The following TRIO variants were observed in gnomAD, a reference collection of about 807,000 sequenced individuals.
The protein encoded by TRIO is trio Rho guanine nucleotide exchange factor.
TRIO carries 58 observed loss-of-function variants against 351.9 expected under a neutral mutation model. The ratio of observed to expected loss-of-function variants is 0.16; its 90% CI spans 0.13 to 0.21. The LOEUF is 0.21. TRIO is among the 10% of genes least tolerant of loss of function. The pLI, the probability that TRIO is intolerant of heterozygous loss-of-function variation, is 1.00. For synonymous variants in TRIO, 1,758 were observed against 1,595.7 expected (o/e 1.10, Z -2.42); for missense variants, 3,201 against 4,027.8 (o/e 0.79, Z 5.56).
At chr5:14,426,047 A>G (rs375995457) in intron 34 of TRIO, among the ~76,000 whole-genome samples, 2 of 152,110 alleles carry the variant, frequency 1.3e-5, no homozygotes, top group East Asian at 1.9e-4. Context: ...TTTCATTTCT[A>G]CCGTTACTCT....
intron 1 of TRIO, among the ~76,000 whole-genome samples, chr5:14,176,248 G>A (rs1180420705): frequency 1.3e-5 from 2 of 152,112 alleles, no homozygotes; most frequent in African/African-American, 4.8e-5. Context: ...GAGGCGGGCG[G>A]ATCACGAGGT....
At position 14,497,044 on chromosome 5, in the gene TRIO, G is replaced by C; in HGVS notation, c.8019+27G>C. On this transcript the variant is annotated intron_variant, in intron 50 of 56. Coordinates refer to ENST00000344204, the MANE Select transcript of TRIO (RefSeq NM_007118.4). The surrounding 1 kb of genome is among the most constrained non-coding windows in gnomAD (Gnocchi z 4.4). ...TGTGTTCGGGGGTCTTCAGGAGTCC[G>C]TGTCATCCCAGCATGAGAGAAAGGA... 2 of 1,611,728 alleles carry C rather than the reference G, an allele frequency of 1.2e-6. No homozygotes were observed. The highest frequency in any genetic ancestry group is 1.7e-6 in the Non-Finnish European group (2 of 1,178,666).
intron 45 of TRIO, 125 bp downstream of exon 45, chr5:14,481,743 T>A: frequency 1.3e-6 from 1 of 777,082 alleles, no homozygotes; most frequent in Non-Finnish European, 2.0e-6. Context: ...TCTCTCACTT[T>A]ACCTCAATCT....
chr5:14,207,307 A>G (rs1791532472), intron 1 of TRIO, among the ~76,000 whole-genome samples: 1 of 16,824 alleles, frequency 5.9e-5, no homozygotes, highest in African/African-American at 2.3e-4. Context: ...GTAGCATAGC[A>G]AGACTGTCTC....
intron 1 of TRIO, among the ~76,000 whole-genome samples, chr5:14,148,912 G>C (rs1016373146): frequency 6.6e-6 from 1 of 152,328 alleles, no homozygotes; most frequent in East Asian, 1.9e-4. Flanking sequence ...AAGCGGGTTC[G>C]ATGTGCATCC....
intron 1 of TRIO, among the ~76,000 whole-genome samples, chr5:14,252,097 A>G (rs2152248583): frequency 6.6e-6 from 1 of 151,512 alleles, no homozygotes; most frequent in African/African-American, 2.5e-5. Context: ...TTACTTTCTT[A>G]CTGTAAACTC....
chr5:14,494,711 A>C (rs1197071266), intron 49 of TRIO, among the ~76,000 whole-genome samples: 3 of 152,040 alleles, frequency 2.0e-5, no homozygotes, highest in Non-Finnish European at 2.9e-5. Flanking sequence ...CCAGCCTGAC[A>C]AGTATGGTGA....
intron 33 of TRIO, 124 bp from the exon 34 acceptor site, chr5:14,419,654 T>TC: frequency 1.5e-6 from 2 of 1,343,872 alleles, no homozygotes; most frequent in Non-Finnish European, 2.0e-6. Flanking sequence ...TCACACAACC[T>TC]CGGAGCACTC....
intron 1 of TRIO, among the ~76,000 whole-genome samples, chr5:14,265,419 T>A (rs537901131): frequency 6.6e-6 from 1 of 152,278 alleles, no homozygotes; most frequent in African/African-American, 2.4e-5. Flanking sequence ...ATTAAAAAAA[T>A]AATAAAACCT....
At chr5:14,464,740 G>A (rs991238601) in intron 36 of TRIO, among the ~76,000 whole-genome samples, 2 of 152,320 alleles carry the variant, frequency 1.3e-5, no homozygotes, top group South Asian at 4.1e-4. Context: ...GCTGTGGGTC[G>A]CATGCCTCGC....
At chr5:14,268,444 G>A (rs1795810531) in intron 1 of TRIO, among the ~76,000 whole-genome samples, 1 of 152,232 alleles carries the variant, frequency 6.6e-6, no homozygotes, top group Non-Finnish European at 1.5e-5. Flanking sequence ...CTTGGTGATG[G>A]CTGTGTGACT....
chr5:14,239,755 T>C (rs1794015414), intron 1 of TRIO, among the ~76,000 whole-genome samples: 1 of 152,202 alleles, frequency 6.6e-6, no homozygotes, highest in Non-Finnish European at 1.5e-5. Flanking sequence ...TGAATGACTA[T>C]GAGATTTAGA....
intron 31 of TRIO, among the ~76,000 whole-genome samples, chr5:14,402,726 G>A (rs1041581141): frequency 6.6e-6 from 1 of 151,922 alleles, no homozygotes; most frequent in Non-Finnish European, 1.5e-5. Flanking sequence ...TGGCAGTGGT[G>A]TAGATGGTGG....
Position 14,462,508 on chromosome 5 carries a change from C to G in TRIO, c.5497-247C>G, listed in dbSNP as rs26105. On this transcript the variant is annotated intron_variant, in intron 35 of 56. Coordinates refer to ENST00000344204, the MANE Select transcript of TRIO (RefSeq NM_007118.4). ...AAGATGAGCTGTGTTCAGAGCCTAA[C>G]AGATCACATTGGCAGTCCCTTTATA... 0.085 allele frequency among the ~76,000 whole-genome samples: 12,900 copies of G among 152,248 alleles called. 725 individuals carry two copies. The highest frequency in any genetic ancestry group is 0.17 in the Admixed American group (2,616 of 15,292).
At chr5:14,225,796 C>CT (rs902230961) in intron 1 of TRIO, among the ~76,000 whole-genome samples, 2 of 131,266 alleles carry the variant, frequency 1.5e-5, no homozygotes, top group South Asian at 2.6e-4. Context: ...GCTCCCACCC[C>CT]CCCCCCCACC....
At chr5:14,255,064 A>T (rs1028711082) in intron 1 of TRIO, among the ~76,000 whole-genome samples, 1 of 152,242 alleles carries the variant, frequency 6.6e-6, no homozygotes, top group African/African-American at 2.4e-5. Context: ...TTGATTTCAG[A>T]TTAATCTCTT....
chr5:14,361,983 G>A lies in TRIO; in HGVS notation c.2392-1749G>A, dbSNP rs181041470. On this transcript the variant is annotated intron_variant, in intron 13 of 56. Coordinates refer to ENST00000344204, the MANE Select transcript of TRIO (RefSeq NM_007118.4). ...AAATACAAAAATTAGGCGTGGTGGC[G>A]TGCACCTGTACTCCCAGCTACTTGG... 1.2e-4 allele frequency among the ~76,000 whole-genome samples: 18 copies of A among 152,226 alleles called. No individual in the cohort carries two copies. The Middle Eastern group carries it at 0.01, about 86-fold the overall frequency.
At chr5:14,462,436 AG>A (rs1285001119) in intron 35 of TRIO, among the ~76,000 whole-genome samples, 1 of 152,210 alleles carries the variant, frequency 6.6e-6, no homozygotes, top group Non-Finnish European at 1.5e-5. Context: ...AATCAACATG[AG>A]GGTTGTAGCT....
chr5:14,364,582 A>G lies in TRIO; in HGVS notation c.2588-68A>G, dbSNP rs1229435713. The G allele has an allele frequency of 2.0e-6, 3 of 1,533,062 alleles. No individual in the cohort carries two copies. The Admixed American group carries it at 6.0e-5, about 31-fold the overall frequency. 95.0% of individuals were successfully genotyped at this position (1,533,062 alleles called of 1,614,324 possible). On this transcript the variant is annotated intron_variant, in intron 14 of 56. Transcript: ENST00000344204. The stretch of plus-strand genomic sequence containing the variant: ...CATTCACAAAAGCAGATTTTGTGCC[A>G]TCCACCCTTTGAGAACAGAAGGTTG...
Sources: gnomAD v4.1 joint callset for allele counts (sites outside exome capture counted in the v4.1 genomes callset) on GRCh38, gnomAD v4.1.1 for gene constraint, Gnocchi (gnomAD v3.1) non-coding constraint, MANE v1.5 for transcripts, NCBI Gene and HGNC (gene_info 2026-07-23, HGNC 2026-07-21) for gene names.